The following RP1 variants were observed in gnomAD, a reference collection of about 807,000 sequenced individuals.
RP1 encodes RP1 axonemal microtubule associated, also known as oxygen-regulated protein 1.
RP1 carries 16 observed loss-of-function variants against 14.8 expected under a neutral mutation model. That is an observed-to-expected ratio of 1.08 (90% CI 0.73 to 1.65). The LOEUF is 1.65. RP1 is among the 40% of genes most tolerant of loss of function. The probability of loss-of-function intolerance (pLI) is 0.00; values close to 1 mark genes in which losing one functional copy is unlikely to be tolerated. For synonymous variants in RP1, 876 were observed against 883.6 expected, an observed-to-expected ratio of 0.99 and a Z score of 0.15; for missense variants, 2,631 against 2,535.0, an observed-to-expected ratio of 1.04 and a Z score of -0.81.
At position 54,625,235 on chromosome 8, in the gene RP1, A is replaced by C; in HGVS notation, c.1353A>C (p.Thr451=). The change falls in exon 4 of 4, where the codon ACA becomes ACC. Residue 451 remains threonine, a synonymous_variant. Transcript: ENST00000220676. ...AGCATCGTTTTTATAGGCCCCCTAC[A>C]CCTGGACTAAGAAGAGTGAGACAAA... ...QAKHRFYRPP[T]PGLRRVRQKK... is the part of the protein sequence containing the mutation. 1 of 1,614,178 alleles carries C rather than the reference A, an allele frequency of 6.2e-7. No homozygotes were observed. Among genetic ancestry groups the C allele is most frequent in the Non-Finnish European group, 8.5e-7 (1 of 1,180,042 alleles).
chr8:54,856,151 T>C (rs1812192894), intron 26 of RP1, among the ~76,000 whole-genome samples: 2 of 152,134 alleles, frequency 1.3e-5, no homozygotes, highest in African/African-American at 4.8e-5. Flanking sequence ...CTGAGCAAAA[T>C]GGCATGGATG....
chr8:54,842,195 C>G (rs1231971153), intron 25 of RP1, among the ~76,000 whole-genome samples: 1 of 152,262 alleles, frequency 6.6e-6, no homozygotes, highest in South Asian at 2.1e-4. Flanking sequence ...ACCTTTTCAT[C>G]CACGAGAGAA....
intron 24 of RP1, among the ~76,000 whole-genome samples, chr8:54,805,858 A>T (rs1480172020): frequency 6.6e-6 from 1 of 152,072 alleles, no homozygotes; most frequent in East Asian, 1.9e-4. Context: ...GCTAGTGATC[A>T]GGTGTGTTTC....
chr8:54,674,706 C>G (rs1047482988), intron 8 of RP1, among the ~76,000 whole-genome samples: 2 of 150,246 alleles, frequency 1.3e-5, no homozygotes, highest in Non-Finnish European at 3.0e-5. Context: ...TTACAAGAAA[C>G]TAAAAAATAT....
chr8:54,638,680 A>G (rs116369574), intron 3 of RP1, among the ~76,000 whole-genome samples: 1 of 152,098 alleles, frequency 6.6e-6, no homozygotes, highest in Admixed American at 6.5e-5. Context: ...TCACAATAAT[A>G]CACACTTGTA....
intron 3 of RP1, among the ~76,000 whole-genome samples, chr8:54,636,875 A>G (rs1806356526): frequency 1.3e-5 from 2 of 152,250 alleles, no homozygotes; most frequent in Non-Finnish European, 2.9e-5. Flanking sequence ...ATATTTCAAT[A>G]TAGGTCTGTT....
At chr8:54,673,941 C>A in intron 8 of RP1, 1 of 1,523,970 alleles carries the variant, frequency 6.6e-7, no homozygotes, top group East Asian at 2.5e-5. Flanking sequence ...AAGACTCTTC[C>A]ACAGAGAGTT....
chr8:54,783,499 T>A, intron 23 of RP1: 2 of 942,768 alleles, frequency 2.1e-6, no homozygotes, highest in Non-Finnish European at 2.8e-6. Flanking sequence ...CTAATATTAA[T>A]GTGTTTTTCC....
At chr8:54,702,329 C>A (rs959465371) in intron 14 of RP1, among the ~76,000 whole-genome samples, 9 of 152,160 alleles carry the variant, frequency 5.9e-5, no homozygotes, top group Non-Finnish European at 1.3e-4. Flanking sequence ...ATTGTAGGTT[C>A]ATTTCTAGAC....
Position 54,816,013 on chromosome 8 carries a change from C to T in RP1, c.3616-21437C>T, listed in dbSNP as rs539438230. On this transcript the variant is annotated intron_variant, in intron 24 of 28. Coordinates refer to the RP1 transcript ENST00000637698. ...CTTTCTGAGCCTTACAGATCTCTTA[C>T]CTACTAGCTTTGTGATGATTGCTGA... is the stretch of plus-strand genomic sequence containing the variant. Among the ~76,000 whole-genome samples the T allele has an allele frequency of 2.6e-5, 4 of 152,268 alleles. No homozygotes were observed. In the South Asian group the frequency reaches 6.2e-4, roughly 24 times the overall value.
chr8:54,582,275 C>G (rs1485809093), intron 1 of RP1, among the ~76,000 whole-genome samples: 1 of 151,934 alleles, frequency 6.6e-6, no homozygotes, highest in African/African-American at 2.4e-5. Flanking sequence ...TTCCCCATTT[C>G]TTGTTTTTGT....
In RP1 at chr8:54,753,969, A is replaced by G. The variant is rs1004989820; in HGVS notation, c.2809-834A>G. Among the ~76,000 whole-genome samples, 10 of 152,322 alleles carry G rather than the reference A, an allele frequency of 6.6e-5. No individual in the cohort carries two copies. The East Asian group carries it at 1.9e-3, about 29-fold the overall frequency. The stretch of plus-strand genomic sequence containing the variant: ...TATTTAGAAGATTAGCTGGAATCTT[A>G]AAAGGATGAGGACATTTTTATCTAT... On this transcript the variant is annotated intron_variant, in intron 19 of 22. Transcript: ENST00000636932.
intron 12 of RP1, among the ~76,000 whole-genome samples, chr8:54,689,522 G>A (rs1465109883): frequency 1.3e-5 from 2 of 152,048 alleles, no homozygotes; most frequent in Non-Finnish European, 1.5e-5. Context: ...AGGTTACAAA[G>A]GATGCTAAGT....
intron 1 of RP1, among the ~76,000 whole-genome samples, chr8:54,600,474 A>G (rs1410135324): frequency 6.6e-6 from 1 of 152,000 alleles, no homozygotes; most frequent in African/African-American, 2.4e-5. Flanking sequence ...CAGACCCATT[A>G]CTGCTAAATG....
At chr8:54,862,990 A>T (rs1041080971) in intron 27 of RP1, among the ~76,000 whole-genome samples, 3 of 147,408 alleles carry the variant, frequency 2.0e-5, no homozygotes, top group African/African-American at 7.5e-5. Flanking sequence ...AATTATCAGC[A>T]TATTTTGTGT....
chr8:54,816,501 A>C (rs957569848), intron 24 of RP1, among the ~76,000 whole-genome samples: 1 of 152,230 alleles, frequency 6.6e-6, no homozygotes, highest in African/African-American at 2.4e-5. Flanking sequence ...GTGGAATTTC[A>C]ATCTAAGAAA....
chr8:54,833,918 G>T (rs935752206), intron 24 of RP1, among the ~76,000 whole-genome samples: 17 of 151,732 alleles, frequency 1.1e-4, no homozygotes. Context: ...TTTGATAGAA[G>T]CCAAAGAGAA....
intron 7 of RP1, among the ~76,000 whole-genome samples, chr8:54,666,972 G>T (rs1807032526): frequency 6.6e-6 from 1 of 151,898 alleles, no homozygotes; most frequent in South Asian, 2.1e-4. Flanking sequence ...CATTGAATAG[G>T]CACCTGGACC....
chr8:54,564,703 C>T (rs1007141641), intron 1 of RP1, among the ~76,000 whole-genome samples: 1 of 152,180 alleles, frequency 6.6e-6, no homozygotes, highest in Non-Finnish European at 1.5e-5. Flanking sequence ...GTTACCAATA[C>T]ACTTTGAGCA....
Sources: gnomAD v4.1 joint callset for allele counts (sites outside exome capture counted in the v4.1 genomes callset) on GRCh38, gnomAD v4.1.1 for gene constraint, MANE v1.5 for transcripts, NCBI Gene and HGNC (gene_info 2026-07-23, HGNC 2026-07-21) for gene names.